EPHB6: variants seen among roughly 807,000 people sequenced by gnomAD.
The protein encoded by EPHB6 is EPH receptor B6.
A neutral mutation model predicts 107.0 loss-of-function variants in EPHB6; 51 were observed. The observed-to-expected ratio is 0.48, with a 90% CI of 0.38 to 0.60. The LOEUF (loss-of-function observed/expected upper bound fraction) is 0.60. Ranked by LOEUF, EPHB6 falls within the 20% of genes least tolerant of loss-of-function variation. The pLI, the probability that EPHB6 is intolerant of heterozygous loss-of-function variation, is 0.00. For synonymous variants in EPHB6, 553 were observed against 549.0 expected, an observed-to-expected ratio of 1.01 and a Z score of -0.10; for missense variants, 1,141 against 1,355.5, an observed-to-expected ratio of 0.84 and a Z score of 2.48.
At position 142,866,156 on chromosome 7, in the gene EPHB6, C is replaced by T. The variant is rs950848585; in HGVS notation, c.1302C>T (p.Phe434=). The change falls in exon 9 of 20, where the codon TTC becomes TTT. Residue 434 remains phenylalanine, a synonymous_variant. Coordinates refer to ENST00000652003, the MANE Select transcript of EPHB6 (RefSeq NM_004445.6). The surrounding 1 kb of genome is among the most constrained non-coding windows in gnomAD (Gnocchi z 5.2). The part of the protein sequence containing the change: ...TCHRCRDEVH[F]DPRQRGLTES... ...ACCGCTGCAGGGATGAGGTCCACTT[C>T]GACCCTCGCCAGAGAGGCCTGACTG... 4.3e-6 allele frequency: 7 copies of T among 1,613,902 alleles called. No homozygotes were observed. Among genetic ancestry groups the T allele is most frequent in the African/African-American group, 2.7e-5 (2 of 74,892 alleles).
In EPHB6 at chr7:142,870,681, C is replaced by A. The variant is rs761742546; in HGVS notation, c.2956C>A (p.Leu986Ile). Residue 986 changes from leucine to isoleucine, a missense_variant, in exon 19 of 20, where the codon CTA (leucine) becomes ATA (isoleucine). By Grantham distance (5) the Leu-to-Ile change is conservative. Around this residue, in one of 3 missense-constraint regions of EPHB6, gnomAD observed 616 missense variants for 759.3 expected, o/e 0.81. Transcript: ENST00000652003. ...CTTCAGTGATGTGGCTCAGCTCAGC[C>A]TAGAGTAAGCAGGGAGTGGTGGGGT... ...CTFSDVAQLS[L>I]EDLPALGITL... 6.2e-7 allele frequency: 1 copy of A among 1,614,194 alleles called. No homozygotes were observed. Among genetic ancestry groups the A allele is most frequent in the Non-Finnish European group, 8.5e-7 (1 of 1,180,028 alleles).
chr7:142,865,805 T>C (rs1218911512), intron 8 of EPHB6, among the ~76,000 whole-genome samples, 155 bp from the exon 9 acceptor site: 1 of 134,834 alleles, frequency 7.4e-6, no homozygotes, highest in Non-Finnish European at 1.6e-5. Flanking sequence ...CATCCTTCCC[T>C]GGGCCCACAT....
rs780284042 is a variant in EPHB6, at chr7:142,869,093, G to A, written c.2406G>A (p.Val802=). The change falls in exon 16 of 20, where the codon GTG becomes GTA. Residue 802 remains valine, a synonymous_variant. Transcript: ENST00000652003. The surrounding 1 kb of genome is among the most constrained non-coding windows in gnomAD (Gnocchi z 4.5). ...ATCGCTCGCTGTCTGCCCACAGCGT[G>A]CTGGTGAATAGCCACTTGGTGTGCA... The part of the protein sequence containing the change: ...FVHRSLSAHS[V]LVNSHLVCKV... 3.1e-6 allele frequency: 5 copies of A among 1,613,792 alleles called. No individual in the cohort carries two copies. In the Admixed American group the frequency reaches 6.7e-5, roughly 22 times the overall value.
chr7:142,862,831 A>T lies in EPHB6; in HGVS notation c.-104A>T, dbSNP rs1469223157. 1.1e-5 allele frequency: 2 copies of T among 189,562 alleles called. No individual in the cohort carries two copies. Among genetic ancestry groups the T allele is most frequent in the Non-Finnish European group, 1.1e-5 (1 of 92,002 alleles). The allele number at this position is 189,562 out of a possible 1,614,324, so 11.7% of individuals were successfully genotyped here. A position where few individuals can be genotyped will look rare whatever the true frequency, so the allele number is the denominator to read the frequency against. On this transcript the variant is annotated splice_region_variant and 5_prime_UTR_variant, in exon 4 of 20. In the 5' UTR this introduces an upstream ATG that the reference lacks. Coordinates refer to ENST00000652003, the MANE Select transcript of EPHB6 (RefSeq NM_004445.6). ...TAACCCCTTGCAGAAAAAAAAAAAAAGGGTAAGATTGACCCAGAAACACCC... is the reference window on the plus strand; with the variant it reads ...TAACCCCTTGCAGAAAAAAAAAAAATGGGTAAGATTGACCCAGAAACACCC...
intron 8 of EPHB6, 92 bp from the exon 9 acceptor site, chr7:142,865,868 G>C (rs974368483): frequency 2.2e-6 from 3 of 1,377,114 alleles, no homozygotes; most frequent in Non-Finnish European, 3.1e-6. Context: ...CTTCCCTCTC[G>C]GCCACCCACC....
At chr7:142,857,589 C>T (rs1341404423) in intron 1 of EPHB6, among the ~76,000 whole-genome samples, 2 of 152,206 alleles carry the variant, frequency 1.3e-5, no homozygotes, top group Admixed American at 1.3e-4. Flanking sequence ...GCCCAGCAAC[C>T]ACACCAGACA....
intron 1 of EPHB6, among the ~76,000 whole-genome samples, chr7:142,856,181 T>C (rs1321646287): frequency 6.6e-6 from 1 of 152,140 alleles, no homozygotes; most frequent in African/African-American, 2.4e-5. Context: ...GGAACTTGAC[T>C]GAGGCTCTAG....
At chr7:142,859,811 G>A (rs777587182) in intron 1 of EPHB6, among the ~76,000 whole-genome samples, 2 of 152,208 alleles carry the variant, frequency 1.3e-5, no homozygotes, top group Non-Finnish European at 2.9e-5. Context: ...TCCACAGGCA[G>A]TGTCTCCATT....
At chr7:142,862,703 A>C (rs1802900385) in intron 3 of EPHB6, 53 bp from the exon 4 acceptor site, 1 of 154,678 alleles carries the variant, frequency 6.5e-6, no homozygotes, top group Admixed American at 6.3e-5. Context: ...TGTAGGATGC[A>C]GCAGCTTCTT....
Position 142,864,673 on chromosome 7 carries a change from C to T in EPHB6, c.873C>T (p.Gly291=). The change falls in exon 7 of 20, where the codon GGC becomes GGT. Residue 291 remains glycine, a synonymous_variant. Transcript: ENST00000652003. ...CCAGGCTGCACTGCAACGGGGAGGG[C>T]AAGTGGATGGTAGCTGTCGGGGGCT... ...SPPRLHCNGE[G]KWMVAVGGCR... is the part of the protein sequence containing the mutation. 1.2e-6 allele frequency: 2 copies of T among 1,612,934 alleles called. No homozygotes were observed. The highest frequency in any genetic ancestry group is 1.7e-6 in the Non-Finnish European group (2 of 1,179,984).
Position 142,867,966 on chromosome 7 carries a change from C to A in EPHB6, c.1866-31C>A. 6.4e-7 allele frequency: 1 copy of A among 1,557,158 alleles called. No homozygotes were observed. ...GGCAGCAAGGGGGTGGAAATGGGAGCGTCATCCCCAGTCACCGTTTTGTTC... is the reference window on the plus strand; with the variant it reads ...GGCAGCAAGGGGGTGGAAATGGGAGAGTCATCCCCAGTCACCGTTTTGTTC... On this transcript the variant is annotated intron_variant, in intron 12 of 19. Coordinates refer to ENST00000652003, the MANE Select transcript of EPHB6 (RefSeq NM_004445.6). The surrounding 1 kb of genome is among the most constrained non-coding windows in gnomAD (Gnocchi z 5.3).
chr7:142,860,210 G>A (rs1199453149), intron 1 of EPHB6, among the ~76,000 whole-genome samples: 2 of 152,182 alleles, frequency 1.3e-5, no homozygotes, highest in African/African-American at 2.4e-5. Flanking sequence ...AGGGCTTACT[G>A]TTTCTTCTTT....
intron 18 of EPHB6, 54 bp from the exon 19 acceptor site, chr7:142,870,476 A>C: frequency 4.3e-6 from 7 of 1,613,976 alleles, no homozygotes; most frequent in Non-Finnish European, 5.1e-6. Context: ...AAAACTGAGG[A>C]GAGGGGCTAA....
intron 6 of EPHB6, 36 bp from the exon 7 acceptor site, chr7:142,863,930 C>T (rs746198323): frequency 1.3e-4 from 215 of 1,613,826 alleles, no homozygotes; most frequent in Middle Eastern, 3.3e-4. Flanking sequence ...TGCTTAAGCC[C>T]GGAGCCCCTA....
chr7:142,864,374 G>A lies in EPHB6; in HGVS notation c.574G>A (p.Gly192Arg), dbSNP rs1192143185. ...VGPHGAGQRAGLQLNVKERSF... is the reference protein window; with the variant it reads ...VGPHGAGQRARLQLNVKERSF... ...ACCCCACGGGGCTGGGCAGCGGGCT[G>A]GACTGCAACTGAACGTCAAAGAGCG... The change falls in exon 7 of 20, where the codon GGA becomes AGA. Residue 192 changes from glycine to arginine, a missense_variant. This residue lies in a region of EPHB6 where 221 missense variants were observed against 300.5 expected (regional missense o/e 0.74). Coordinates refer to ENST00000652003, the MANE Select transcript of EPHB6 (RefSeq NM_004445.6). 1.9e-6 allele frequency: 3 copies of A among 1,613,256 alleles called. No individual in the cohort carries two copies. Among genetic ancestry groups the A allele is most frequent in the Non-Finnish European group, 2.5e-6 (3 of 1,179,950 alleles).
Position 142,866,707 on chromosome 7 carries a change from C to T in EPHB6, c.1587+102C>T. 6.2e-7 allele frequency: 1 copy of T among 1,602,446 alleles called. No homozygotes were observed. Among genetic ancestry groups the T allele is most frequent in the Non-Finnish European group, 8.5e-7 (1 of 1,173,572 alleles). The stretch of plus-strand genomic sequence containing the variant: ...CAGGTGCACAGGAGGAATGAGGGGT[C>T]CGCAACAGGGCTGGCAGGAGCTCAC... On this transcript the variant is annotated intron_variant, in intron 10 of 19. Coordinates refer to ENST00000652003, the MANE Select transcript of EPHB6 (RefSeq NM_004445.6). The surrounding 1 kb of genome is among the most constrained non-coding windows in gnomAD (Gnocchi z 5.2).
rs1563343685 is a variant in EPHB6, at chr7:142,866,617, G to A, written c.1587+12G>A. 4 of 1,613,822 alleles carry A rather than the reference G, an allele frequency of 2.5e-6. No homozygotes were observed. Among genetic ancestry groups the A allele is most frequent in the Non-Finnish European group, 3.4e-6 (4 of 1,180,014 alleles). On this transcript the variant is annotated intron_variant, in intron 10 of 19. Coordinates refer to ENST00000652003, the MANE Select transcript of EPHB6 (RefSeq NM_004445.6). The surrounding 1 kb of genome is among the most constrained non-coding windows in gnomAD (Gnocchi z 5.2). Reference sequence around the variant, plus strand: ...GCTACTATGACCAGGTGCGCAGGAGGAGTGGGGGTTCCGCAGTAGGGCTGG... The same window carrying A: ...GCTACTATGACCAGGTGCGCAGGAGAAGTGGGGGTTCCGCAGTAGGGCTGG...
chr7:142,868,099 G>T lies in EPHB6; in HGVS notation c.1918+50G>T, dbSNP rs1794703902. On this transcript the variant is annotated intron_variant, in intron 13 of 19. Transcript: ENST00000652003. This position sits in a 1 kb window ranked among gnomAD's most constrained non-coding sequence, Gnocchi z 4.2. ...TGGGGCTGGGGAACACATGGGTGGG[G>T]CACATGGCAGGCAAGGCTGGATCCC... The T allele has an allele frequency of 1.7e-5, 27 of 1,613,426 alleles. No homozygotes were observed. The highest frequency in any genetic ancestry group is 2.2e-5 in the South Asian group (2 of 91,000).
Position 142,864,361 on chromosome 7 carries a change from T to C in EPHB6, c.561T>C (p.Ala187=), listed in dbSNP as rs1563339647. ...SAAWAVGPHG[A]GQRAGLQLNV... The stretch of plus-strand genomic sequence containing the variant: ...CGTGGGCTGTGGGACCCCACGGGGC[T>C]GGGCAGCGGGCTGGACTGCAACTGA... The change falls in exon 7 of 20, where the codon GCT becomes GCC. Residue 187 remains alanine (A), a synonymous_variant. Coordinates refer to ENST00000652003, the MANE Select transcript of EPHB6 (RefSeq NM_004445.6). 2 of 1,613,370 alleles carry C rather than the reference T, an allele frequency of 1.2e-6. No individual in the cohort carries two copies. The highest frequency in any genetic ancestry group is 1.7e-6 in the Non-Finnish European group (2 of 1,180,020).
Sources: gnomAD v4.1 joint callset for allele counts (sites outside exome capture counted in the v4.1 genomes callset) on GRCh38, gnomAD v4.1.1 for gene constraint, gnomAD v4.1.1 regional missense constraint, Gnocchi (gnomAD v3.1) non-coding constraint, MANE v1.5 for transcripts, NCBI Gene and HGNC (gene_info 2026-07-23, HGNC 2026-07-21) for gene names.